MDGA2: variants seen among roughly 807,000 people sequenced by gnomAD.
MDGA2 encodes MAM domain-containing glycosylphosphatidylinositol anchor protein 2.
In MDGA2, 40 loss-of-function variants were observed where a neutral mutation model predicts 117.8. The ratio of observed to expected loss-of-function variants is 0.34; its 90% CI spans 0.26 to 0.44. The LOEUF is 0.44. MDGA2 is among the 20% of genes least tolerant of loss of function. The pLI is 1.00. For missense variants in MDGA2, 1,123 were observed against 1,250.6 expected (o/e 0.90, Z 1.54); for synonymous variants, 452 against 439.0 (o/e 1.03, Z -0.37).
intron 6 of MDGA2, among the ~76,000 whole-genome samples, chr14:47,068,327 G>C (rs1277711178): frequency 6.6e-6 from 1 of 150,640 alleles, no homozygotes; most frequent in Non-Finnish European, 1.5e-5. Flanking sequence ...TAAGAAGGGG[G>C]AAAAAGTGAA....
intron 1 of MDGA2, among the ~76,000 whole-genome samples, chr14:47,373,029 CAT>C (rs1480378333): frequency 1.6e-4 from 25 of 151,976 alleles, no homozygotes; most frequent in Admixed American, 1.3e-3. Context: ...TAACAAACCT[CAT>C]ATGTGTATAT....
chr14:46,925,811 TAAAG>T (rs1274662414), intron 9 of MDGA2, among the ~76,000 whole-genome samples: 1 of 151,914 alleles, frequency 6.6e-6, no homozygotes, highest in Non-Finnish European at 1.5e-5. Context: ...TAACTGATCT[TAAAG>T]AAGAAAAAAT....
At chr14:47,394,773 T>C (rs1347261170) in intron 1 of MDGA2, among the ~76,000 whole-genome samples, 1 of 152,204 alleles carries the variant, frequency 6.6e-6, no homozygotes, top group African/African-American at 2.4e-5. Flanking sequence ...ATTATGATCA[T>C]GAATTACACT....
At chr14:46,933,788 T>A (rs1884668676) in intron 9 of MDGA2, among the ~76,000 whole-genome samples, 1 of 109,856 alleles carries the variant, frequency 9.1e-6, no homozygotes, top group Non-Finnish European at 2.0e-5. Flanking sequence ...GTTCTACTGG[T>A]TTATGTAACA....
intron 2 of MDGA2, among the ~76,000 whole-genome samples, chr14:47,232,269 A>C (rs752272564): frequency 1.3e-5 from 2 of 152,004 alleles, no homozygotes; most frequent in Non-Finnish European, 2.9e-5. Flanking sequence ...GTTTTAGGGC[A>C]GGCTTCTTAA....
chr14:47,499,000 C>G (rs550680547), intron 1 of MDGA2, among the ~76,000 whole-genome samples: 1 of 149,784 alleles, frequency 6.7e-6, no homozygotes, highest in African/African-American at 2.5e-5. Flanking sequence ...CTTAGCTATT[C>G]TGGCATTTTT....
chr14:47,499,677 G>C (rs1290107879), intron 1 of MDGA2, among the ~76,000 whole-genome samples: 1 of 152,102 alleles, frequency 6.6e-6, no homozygotes, highest in Non-Finnish European at 1.5e-5. Flanking sequence ...AAGATAATAA[G>C]AGAAATAAGA....
chr14:47,476,454 A>G (rs1274516737), intron 1 of MDGA2, among the ~76,000 whole-genome samples: 1 of 152,188 alleles, frequency 6.6e-6, no homozygotes, highest in Non-Finnish European at 1.5e-5. Context: ...GGAAATGAAT[A>G]TATTTGTTAA....
At chr14:47,514,643 T>TAAA (rs1894714605) in intron 1 of MDGA2, among the ~76,000 whole-genome samples, 1 of 152,138 alleles carries the variant, frequency 6.6e-6, no homozygotes, top group Non-Finnish European at 1.5e-5. Flanking sequence ...TCTTATTTTA[T>TAAA]ACACATATAA....
At chr14:47,110,389 T>C (rs1338221395) in intron 5 of MDGA2, among the ~76,000 whole-genome samples, 6 of 152,160 alleles carry the variant, frequency 3.9e-5, no homozygotes, top group Admixed American at 2.6e-4. Flanking sequence ...GAGTGTAAAA[T>C]AGCAACAGCA....
intron 1 of MDGA2, among the ~76,000 whole-genome samples, chr14:47,611,992 C>G (rs1896856512): frequency 6.6e-6 from 1 of 152,090 alleles, no homozygotes; most frequent in Non-Finnish European, 1.5e-5. Flanking sequence ...TTTAGCAAGG[C>G]AGAGATACCA....
At chr14:47,123,990 G>A (rs1235875525) in intron 5 of MDGA2, among the ~76,000 whole-genome samples, 1 of 151,962 alleles carries the variant, frequency 6.6e-6, no homozygotes, top group Admixed American at 6.6e-5. Flanking sequence ...GAGTTACAGG[G>A]AACATCTTAT....
intron 5 of MDGA2, among the ~76,000 whole-genome samples, chr14:47,098,462 T>C (rs932668942): frequency 6.6e-6 from 1 of 151,754 alleles, no homozygotes; most frequent in Admixed American, 6.6e-5. Context: ...AAATTCTAAA[T>C]ATTTATGATT....
intron 1 of MDGA2, among the ~76,000 whole-genome samples, chr14:47,531,379 C>A (rs1248774601): frequency 6.6e-6 from 1 of 152,150 alleles, no homozygotes; most frequent in Non-Finnish European, 1.5e-5. Context: ...ACAAGACGCA[C>A]AATCACATAA....
chr14:47,045,665 G>A (rs920120340), intron 7 of MDGA2, among the ~76,000 whole-genome samples: 1 of 151,990 alleles, frequency 6.6e-6, no homozygotes, highest in African/African-American at 2.4e-5. Flanking sequence ...CACTGGATTT[G>A]CTATAACAAG....
At chr14:46,888,014 T>A (rs1451833643) in intron 10 of MDGA2, among the ~76,000 whole-genome samples, 1 of 151,864 alleles carries the variant, frequency 6.6e-6, no homozygotes, top group East Asian at 1.9e-4. Context: ...TAATGAGTGT[T>A]CTACTCAAGT....
At position 46,902,798 on chromosome 14, in the gene MDGA2, T is replaced by C. The variant is rs150131958; in HGVS notation, c.2238+17214A>G. Among the ~76,000 whole-genome samples the C allele has an allele frequency of 1.6e-4, 25 of 152,302 alleles. No individual in the cohort carries two copies. The East Asian group carries it at 4.8e-3, about 29-fold the overall frequency. ...ATTTTATGGTAGAGAATATAAGCATTTTCTCAAGATTTACACTACTTAATG... is the reference window on the plus strand; with the variant it reads ...ATTTTATGGTAGAGAATATAAGCATCTTCTCAAGATTTACACTACTTAATG... On this transcript the variant is annotated intron_variant, in intron 10 of 16. Transcript: ENST00000399232.
At chr14:47,294,810 T>C (rs1889008089) in intron 2 of MDGA2, among the ~76,000 whole-genome samples, 1 of 152,176 alleles carries the variant, frequency 6.6e-6, no homozygotes, top group Non-Finnish European at 1.5e-5. Flanking sequence ...GGTTTCAAAC[T>C]GAAGAACTGG....
intron 10 of MDGA2, among the ~76,000 whole-genome samples, chr14:46,914,607 A>G (rs527413322): frequency 2.6e-5 from 4 of 152,238 alleles, no homozygotes; most frequent in African/African-American, 4.8e-5. Flanking sequence ...TATGAGTTTA[A>G]TAACACAGCA....
Sources: allele counts gnomAD v4.1 joint callset (sites outside exome capture counted in the v4.1 genomes callset), GRCh38; gene constraint gnomAD v4.1.1; transcripts MANE v1.5; gene names NCBI Gene and HGNC (gene_info 2026-07-23, HGNC 2026-07-21).